ARSL: variants seen among roughly 807,000 people sequenced by gnomAD.
The protein encoded by ARSL is arylsulfatase E (chondrodysplasia punctata 1).
In ARSL, 4 loss-of-function variants were observed where a neutral mutation model predicts 31.1. The observed-to-expected ratio is 0.13, with a 90% CI of 0.06 to 0.29. ARSL has a LOEUF of 0.29. Among genes scored for constraint, ARSL ranks in the 10% least tolerant of loss-of-function variants. The pLI, the probability that ARSL is intolerant of heterozygous loss-of-function variation, is 1.00. For missense variants in ARSL, 312 were observed against 497.8 expected, an observed-to-expected ratio of 0.63 and a Z score of 3.55; for synonymous variants, 198 against 209.9, an observed-to-expected ratio of 0.94 and a Z score of 0.49.
In ARSL at chrX:2,949,535, G is replaced by A. The variant is rs1157534083; in HGVS notation, c.623C>T (p.Ala208Val). 2 of 1,208,803 alleles carry A rather than the reference G, an allele frequency of 1.7e-6. No individual in the cohort carries two copies. The highest frequency in any genetic ancestry group is 2.3e-4 in the Middle Eastern group (1 of 4,372). The change falls in exon 6 of 11, where the codon GCC (alanine) becomes GTC (valine). Residue 208 changes from alanine (A) to valine (V), a missense_variant. Ala to Val is a moderately conservative substitution (Grantham distance 64). Transcript: ENST00000381134. ...GAGCTTCCCTGCTACCAGTGTGAGG[G>A]CAACCAAGGCCAGGACTTGGAAGAG... ...NFLFQVLALVALTLVAGKLTH... is the reference protein window; with the variant it reads ...NFLFQVLALVVLTLVAGKLTH...
chrX:2,958,909 C>A (rs963044564), intron 2 of ARSL, among the ~76,000 whole-genome samples: 2 of 111,731 alleles, frequency 1.8e-5, no homozygotes, highest in Non-Finnish European at 3.8e-5. Context: ...ATCGCTTGAG[C>A]CTGGGAGGTT....
At chrX:2,948,786 C>A (rs945170999) in intron 6 of ARSL, among the ~76,000 whole-genome samples, 2 of 111,402 alleles carry the variant, frequency 1.8e-5, no homozygotes, top group Non-Finnish European at 3.8e-5. Flanking sequence ...CCACTATGCC[C>A]AGCTCAGCTG....
At chrX:2,960,140 G>C (rs1357204926) in intron 2 of ARSL, among the ~76,000 whole-genome samples, 1 of 87,083 alleles carries the variant, frequency 1.1e-5, no homozygotes, top group Non-Finnish European at 2.4e-5. Flanking sequence ...GTGGTGGCAG[G>C]CGCCTGTAGT....
chrX:2,944,251 C>T (rs186786692), intron 7 of ARSL, among the ~76,000 whole-genome samples: 224 of 108,619 alleles, frequency 2.1e-3, no homozygotes, highest in South Asian at 5.3e-3. Context: ...GTCAGCAGTT[C>T]GAGACCAGCC....
intron 8 of ARSL, among the ~76,000 whole-genome samples, chrX:2,939,816 A>G (rs2089255893): frequency 9.3e-6 from 1 of 107,954 alleles, no homozygotes; most frequent in African/African-American, 3.4e-5. Context: ...GAAACAATGG[A>G]ATACAGGTTT....
At chrX:2,963,151 TTTG>T (rs1209439653) in intron 1 of ARSL, among the ~76,000 whole-genome samples, 1 of 112,104 alleles carries the variant, frequency 8.9e-6, no homozygotes, top group Non-Finnish European at 1.9e-5. Flanking sequence ...GTGAGGTTTT[TTTG>T]TTTATTTGTT....
rs546260369 is a variant in ARSL, at chrX:2,948,589, C to A, written c.854+715G>T. Among the ~76,000 whole-genome samples, 3 of 111,333 alleles carry A rather than the reference C, an allele frequency of 2.7e-5. No individual in the cohort carries two copies. In the South Asian group the frequency reaches 1.1e-3, roughly 42 times the overall value. ...CTACATAGCCTCAACCTCCTGGGCTCAAGTGATCCTCCTGCCTCAGCCTCC... is the reference window on the plus strand; with the variant it reads ...CTACATAGCCTCAACCTCCTGGGCTAAAGTGATCCTCCTGCCTCAGCCTCC... On this transcript the variant is annotated intron_variant, in intron 6 of 10. Transcript: ENST00000381134.
At chrX:2,942,959 G>C in intron 8 of ARSL, 106 bp downstream of exon 8, 3 of 1,082,261 alleles carry the variant, frequency 2.8e-6, no homozygotes, top group Non-Finnish European at 3.8e-6. Flanking sequence ...AAAAATCACT[G>C]TCCCTGAGCA....
In ARSL at chrX:2,958,839, T is replaced by A. The variant is rs183677043; in HGVS notation, c.24-404A>T. 1.3e-3 allele frequency among the ~76,000 whole-genome samples: 144 copies of A among 111,250 alleles called. 3 individuals carry two copies. The Admixed American group carries it at 0.014, about 11-fold the overall frequency. On this transcript the variant is annotated intron_variant, in intron 2 of 10. Coordinates refer to ENST00000381134, the MANE Select transcript of ARSL (RefSeq NM_000047.3). ...TCATCTCTACAAGAAATACACAGCT[T>A]AGCTGGGCGTGGTGGCACGTGCCTG... is the stretch of plus-strand genomic sequence containing the variant.
At chrX:2,935,389 A>G (rs778365908) in intron 10 of ARSL, among the ~76,000 whole-genome samples, 199 bp from the exon 11 acceptor site, 7 of 112,449 alleles carry the variant, frequency 6.2e-5, no homozygotes, top group Non-Finnish European at 1.1e-4. Flanking sequence ...AGGCTGCAAC[A>G]TCAACGAACT....
chrX:2,946,040 C>T lies in ARSL; in HGVS notation c.949G>A (p.Gly317Arg), dbSNP rs1178912922. ...MENFLGKSLH[G>R]LYGDNVEEMD... Reference sequence around the variant, plus strand: ...TCCTCTACGTTGTCCCCATACAGCCCGTGGAGACTCTTCCCGAGGAAGTTC... The same window carrying T: ...TCCTCTACGTTGTCCCCATACAGCCTGTGGAGACTCTTCCCGAGGAAGTTC... Residue 317 changes from glycine (G) to arginine (R), a missense_variant, in exon 7 of 11, where the codon GGG becomes AGG. Gly to Arg is a moderately radical substitution (Grantham distance 125, BLOSUM62 -2). Coordinates refer to ENST00000381134, the MANE Select transcript of ARSL (RefSeq NM_000047.3). The T allele has an allele frequency of 5.0e-6, 6 of 1,210,755 alleles. No homozygotes were observed. Among genetic ancestry groups the T allele is most frequent in the Middle Eastern group, 2.3e-4 (1 of 4,349 alleles).
At chrX:2,955,763 G>C (rs765169049) in intron 3 of ARSL, among the ~76,000 whole-genome samples, 8 of 112,373 alleles carry the variant, frequency 7.1e-5, no homozygotes, top group Non-Finnish European at 1.1e-4. Context: ...GGTGGCTCAT[G>C]CCTGTAATCC....
At position 2,946,055 on chromosome X, in the gene ARSL, C is replaced by G. The variant is rs773935389; in HGVS notation, c.934G>C (p.Gly312Arg). The G allele has an allele frequency of 5.8e-6, 7 of 1,208,478 alleles. No individual in the cohort carries two copies. Among genetic ancestry groups the G allele is most frequent in the Non-Finnish European group, 6.7e-6 (6 of 894,614 alleles). The stretch of plus-strand genomic sequence containing the variant: ...CCATACAGCCCGTGGAGACTCTTCC[C>G]GAGGAAGTTCTCCATAGTGATAAGA... ...IPLITMENFL[G>R]KSLHGLYGDN... The change falls in exon 7 of 11, where the codon GGG becomes CGG. Residue 312 changes from glycine to arginine, a missense_variant. By Grantham distance (125) the Gly-to-Arg change is moderately radical. Coordinates refer to ENST00000381134, the MANE Select transcript of ARSL (RefSeq NM_000047.3).
Position 2,950,629 on chromosome X carries a change from G to A in ARSL, c.431-902C>T, listed in dbSNP as rs190789016. On this transcript the variant is annotated intron_variant, in intron 5 of 10. Transcript: ENST00000381134. ...CCCTGCACATGCCCTCTTGCCTGCC[G>A]CCATGAAAGACATGCCTTTGCTTCT... Among the ~76,000 whole-genome samples the A allele has an allele frequency of 5.4e-5, 6 of 111,558 alleles. No individual in the cohort carries two copies. The South Asian group carries it at 1.1e-3, about 21-fold the overall frequency.
At chrX:2,938,323 T>A in intron 8 of ARSL, 66 bp from the exon 9 acceptor site, 1 of 1,165,303 alleles carries the variant, frequency 8.6e-7, no homozygotes, top group South Asian at 1.9e-5. Context: ...CCTGGCTGAT[T>A]TAACTTTTCT....
intron 7 of ARSL, among the ~76,000 whole-genome samples, chrX:2,943,573 C>G (rs1178512675): frequency 9.3e-6 from 1 of 108,063 alleles, no homozygotes; most frequent in African/African-American, 3.4e-5. Flanking sequence ...GAAACTACAT[C>G]TCTACTAAAA....
intron 4 of ARSL, among the ~76,000 whole-genome samples, chrX:2,955,003 G>A (rs1353904414): frequency 9.0e-6 from 1 of 111,717 alleles, no homozygotes; most frequent in East Asian, 2.8e-4. Context: ...GGCAAGGAGA[G>A]AGTAGCCCCA....
At chrX:2,945,005 T>G (rs866435160) in intron 7 of ARSL, among the ~76,000 whole-genome samples, 55 of 95,297 alleles carry the variant, frequency 5.8e-4, no homozygotes, top group African/African-American at 1.5e-3. Flanking sequence ...AGAAGAAGAA[T>G]AAGAAGAAGA....
At chrX:2,967,024 A>G (rs1047323821), upstream of ARSL, among the ~76,000 whole-genome samples, 79 of 111,653 alleles carry the variant, frequency 7.1e-4, 1 homozygote, top group Non-Finnish European at 1.2e-3. Context: ...TAAAGTAAAA[A>G]TGTTTATGTG....
Sources: allele counts gnomAD v4.1 joint callset (sites outside exome capture counted in the v4.1 genomes callset), GRCh38; gene constraint gnomAD v4.1.1; transcripts MANE v1.5; gene names NCBI Gene and HGNC (gene_info 2026-07-23, HGNC 2026-07-21).